Variants in UVRAG observed in about 807,000 individuals in gnomAD.
UVRAG encodes the protein UV radiation resistance associated, also known as UV radiation resistance-associated gene protein.
In UVRAG, 19 loss-of-function variants were observed where a neutral mutation model predicts 78.0. That is an observed-to-expected ratio of 0.24 (90% confidence interval 0.17 to 0.36). UVRAG has a LOEUF of 0.36. Among genes scored for constraint, UVRAG ranks in the 10% least tolerant of loss-of-function variants. The pLI is 1.00. For synonymous variants in UVRAG, 323 were observed against 324.6 expected (o/e 1.00, Z 0.05); for missense variants, 740 against 853.8 (o/e 0.87, Z 1.66).
intron 7 of UVRAG, among the ~76,000 whole-genome samples, chr11:75,982,501 G>A (rs150445797): frequency 6.6e-6 from 1 of 152,156 alleles, no homozygotes; most frequent in Non-Finnish European, 1.5e-5. Flanking sequence ...CACTGCATTG[G>A]GGGTGGGAGA....
At chr11:76,039,453 T>G (rs7131447) in intron 12 of UVRAG, among the ~76,000 whole-genome samples, 7 of 152,162 alleles carry the variant, frequency 4.6e-5, no homozygotes, top group Non-Finnish European at 5.9e-5. Flanking sequence ...CAATAAAATA[T>G]TGTATTTGTG....
chr11:75,838,935 T>C (rs1180354675), intron 1 of UVRAG: 1 of 152,298 alleles, frequency 6.6e-6, no homozygotes, highest in African/African-American at 2.4e-5. Flanking sequence ...AGGCCTGAGC[T>C]AGCACCTTAG....
intron 3 of UVRAG, among the ~76,000 whole-genome samples, chr11:75,872,389 G>GT (rs1473719158): frequency 1.3e-5 from 1 of 76,968 alleles, no homozygotes; most frequent in African/African-American, 4.8e-5. Context: ...ATCTAATGCT[G>GT]CCTTTTTTTT....
At chr11:75,888,963 A>G in intron 5 of UVRAG, 60 bp downstream of exon 5, 1 of 1,400,792 alleles carries the variant, frequency 7.1e-7, no homozygotes, top group Non-Finnish European at 1.0e-6. Context: ...TTGCAGGTGT[A>G]CAGGGTAGAT....
In UVRAG at chr11:76,067,766, A is replaced by G. The variant is rs142385131; in HGVS notation, c.1305+1978A>G. On this transcript the variant is annotated intron_variant, in intron 13 of 14. Coordinates refer to ENST00000356136, the MANE Select transcript of UVRAG (RefSeq NM_003369.4). ...AGAGCAAGATTCTGTCTCAAAAAAA[A>G]AAAAGTGCTCGGACTAAGACTGCAC... Among the ~76,000 whole-genome samples the G allele has an allele frequency of 6.9e-4, 105 of 152,234 alleles. 1 individual carries two copies. The East Asian group carries it at 8.3e-3, about 12-fold the overall frequency.
intron 14 of UVRAG, among the ~76,000 whole-genome samples, chr11:76,127,796 A>C (rs1952436950): frequency 6.6e-6 from 1 of 152,086 alleles, no homozygotes; most frequent in Non-Finnish European, 1.5e-5. Flanking sequence ...ATCTGTACTA[A>C]AAATACAAAA....
chr11:76,018,572 C>G (rs2135373699), intron 12 of UVRAG, among the ~76,000 whole-genome samples: 1 of 152,228 alleles, frequency 6.6e-6, no homozygotes, highest in East Asian at 1.9e-4. Flanking sequence ...GCACGCCCAG[C>G]TAATTTTTGT....
chr11:75,880,179 C>A (rs1946905191), intron 4 of UVRAG, 139 bp downstream of exon 4: 1 of 896,034 alleles, frequency 1.1e-6, no homozygotes, highest in Non-Finnish European at 1.7e-6. Flanking sequence ...CTAAGAGAGA[C>A]CTTGATGATC....
In UVRAG at chr11:76,143,011, T is replaced by C. The variant is rs1213354118; in HGVS notation, c.*1598T>C. The C allele has an allele frequency of 6.6e-6, 1 of 152,216 alleles. No homozygotes were observed. Among genetic ancestry groups the C allele is most frequent in the East Asian group, 1.9e-4 (1 of 5,198 alleles). The allele number at this position is 152,216 out of a possible 1,614,324, so 9.4% of individuals were successfully genotyped here. ...CTCTCAGGCAGTCGAAAGCTTTAAC[T>C]GGATCTGCAGAAGCCCATCTTCCTC... On this transcript the variant is annotated 3_prime_UTR_variant, in exon 15 of 15. Coordinates refer to ENST00000356136, the MANE Select transcript of UVRAG (RefSeq NM_003369.4).
chr11:76,133,940 TTTTTCTTTTTTTC>T (rs1952557034), intron 14 of UVRAG, among the ~76,000 whole-genome samples: 1 of 151,268 alleles, frequency 6.6e-6, no homozygotes, highest in South Asian at 2.1e-4. Flanking sequence ...TATACTTTTT[TTTTTCTTTTTTTC>T]TTTTCTTTTT....
At chr11:76,049,307 T>C (rs1389079870) in intron 12 of UVRAG, among the ~76,000 whole-genome samples, 1 of 152,180 alleles carries the variant, frequency 6.6e-6, no homozygotes, top group Non-Finnish European at 1.5e-5. Context: ...AAAGCAATAA[T>C]GTATATAATA....
intron 1 of UVRAG, among the ~76,000 whole-genome samples, chr11:75,820,382 TCTCA>T (rs1449308368): frequency 6.8e-6 from 1 of 146,666 alleles, no homozygotes; most frequent in Non-Finnish European, 1.5e-5. Context: ...TGAGACGGAG[TCTCA>T]CTCTGTCACC....
At chr11:76,077,838 A>G (rs541883822) in intron 13 of UVRAG, among the ~76,000 whole-genome samples, 5 of 152,290 alleles carry the variant, frequency 3.3e-5, no homozygotes, top group East Asian at 1.9e-4. Flanking sequence ...TAATAGCTCA[A>G]TATAAATTTA....
chr11:76,111,563 G>A (rs576622109), intron 13 of UVRAG, among the ~76,000 whole-genome samples: 1 of 152,164 alleles, frequency 6.6e-6, no homozygotes, highest in African/African-American at 2.4e-5. Flanking sequence ...TTACCAAAAG[G>A]TGATTACGTG....
chr11:75,970,057 TA>T (rs1406145739), intron 7 of UVRAG, among the ~76,000 whole-genome samples: 3 of 152,170 alleles, frequency 2.0e-5, no homozygotes, highest in African/African-American at 4.8e-5. Context: ...ATTTATGTCA[TA>T]AAAAATGATG....
intron 13 of UVRAG, among the ~76,000 whole-genome samples, chr11:76,106,419 G>T (rs1013968330): frequency 3.9e-5 from 6 of 151,996 alleles, no homozygotes; most frequent in African/African-American, 1.5e-4. Context: ...AGACTGGAGT[G>T]CAGTGGCGTG....
At chr11:75,874,008 T>TA (rs1012424426) in intron 3 of UVRAG, among the ~76,000 whole-genome samples, 1 of 152,210 alleles carries the variant, frequency 6.6e-6, no homozygotes, top group African/African-American at 2.4e-5. Flanking sequence ...AGTAGTGGTC[T>TA]AGGCTTTGCT....
chr11:76,109,180 C>T (rs1215670819), intron 13 of UVRAG, among the ~76,000 whole-genome samples: 3 of 152,046 alleles, frequency 2.0e-5, no homozygotes, highest in East Asian at 1.9e-4. Context: ...CAGAAGGAGC[C>T]GTAATGTTTA....
chr11:75,855,281 G>C lies in UVRAG; in HGVS notation c.235+3281G>C, dbSNP rs11823224. Among the ~76,000 whole-genome samples the C allele has an allele frequency of 9.0e-3, 1,369 of 152,314 alleles. 23 individuals carry two copies. The highest frequency in any genetic ancestry group is 0.032 in the African/African-American group (1,330 of 41,566). On this transcript the variant is annotated intron_variant, in intron 2 of 14. Transcript: ENST00000356136. ...CAATCCAATCCTCAACACAGTTAGG[G>C]AATAGCTGGTGACAGAGCACGGGGA...
Sources: gnomAD v4.1 joint callset for allele counts (sites outside exome capture counted in the v4.1 genomes callset) on GRCh38, gnomAD v4.1.1 for gene constraint, MANE v1.5 for transcripts, NCBI Gene and HGNC (gene_info 2026-07-23, HGNC 2026-07-21) for gene names.